Variants in ATG4C observed in about 807,000 individuals in gnomAD.
ATG4C encodes autophagy related 4C cysteine peptidase.
A neutral mutation model predicts 57.6 loss-of-function variants in ATG4C; 56 were observed. The observed-to-expected ratio is 0.97, with a 90% CI of 0.78 to 1.21. The LOEUF is 1.21. Ranked by LOEUF, ATG4C falls within the 50% of genes most tolerant of loss-of-function variation. The pLI is 0.00. For missense variants in ATG4C, 595 were observed against 529.8 expected (o/e 1.12, Z -1.21); for synonymous variants, 157 against 174.1 (o/e 0.90, Z 0.78).
chr1:62,820,252 A>G (rs183144818), intron 5 of ATG4C, among the ~76,000 whole-genome samples: 17 of 152,196 alleles, frequency 1.1e-4, no homozygotes, highest in African/African-American at 3.4e-4. Context: ...GGGGACAGCA[A>G]ACTTCTTCTG....
chr1:62,792,827 T>C (rs1242346181), intron 1 of ATG4C, among the ~76,000 whole-genome samples: 1 of 151,770 alleles, frequency 6.6e-6, no homozygotes, highest in Non-Finnish European at 1.5e-5. Context: ...TGAACCCAAG[T>C]AGTAGCTGGT....
chr1:62,803,773 T>C lies in ATG4C; in HGVS notation c.-14T>C. Reference sequence around the variant, plus strand: ...AATGCAATCAAGTGATGGCTTTTCCTTTAGAATTTGAATATGGAGGCTACA... The same window carrying C: ...AATGCAATCAAGTGATGGCTTTTCCCTTAGAATTTGAATATGGAGGCTACA... On this transcript the variant is annotated 5_prime_UTR_variant, in exon 2 of 11. Coordinates refer to ENST00000317868, the MANE Select transcript of ATG4C (RefSeq NM_032852.4). The C allele has an allele frequency of 6.3e-7, 1 of 1,580,490 alleles. No homozygotes were observed. Among genetic ancestry groups the C allele is most frequent in the Non-Finnish European group, 8.6e-7 (1 of 1,161,316 alleles).
At chr1:62,817,062 C>G (rs1013335980) in intron 4 of ATG4C, among the ~76,000 whole-genome samples, 2 of 152,058 alleles carry the variant, frequency 1.3e-5, no homozygotes, top group African/African-American at 4.8e-5. Context: ...TCTTGGTCAC[C>G]ATTATGAGTT....
chr1:62,841,405 C>T (rs1047278677), intron 9 of ATG4C, 23 bp from the exon 10 acceptor site: 1 of 1,582,816 alleles, frequency 6.3e-7, no homozygotes, highest in Non-Finnish European at 8.6e-7. Context: ...TAAATTAATC[C>T]TAAAGAACTT....
intron 4 of ATG4C, 37 bp downstream of exon 4, chr1:62,816,845 GT>G: frequency 7.0e-7 from 1 of 1,424,354 alleles, no homozygotes; most frequent in Non-Finnish European, 9.4e-7. Context: ...GTTTTGTTTT[GT>G]TTTTTTGTCG....
intron 1 of ATG4C, among the ~76,000 whole-genome samples, chr1:62,802,896 A>G (rs983982120): frequency 6.6e-6 from 1 of 152,226 alleles, no homozygotes. Context: ...TGGAATGTCT[A>G]TTGTTAGAGA....
rs1207117949 is a variant in ATG4C at position 62,865,062 on chromosome 1, T to G, written c.*903T>G. On this transcript the variant is annotated 3_prime_UTR_variant, in exon 11 of 11. Transcript: ENST00000317868. ...AGGCAAATCTGCCTTAAGTGTATTA[T>G]GTGTTACTTAAAGGCAAATTTGTGA... 1 of 151,952 alleles carries G rather than the reference T, an allele frequency of 6.6e-6. No homozygotes were observed. Among genetic ancestry groups the G allele is most frequent in the Non-Finnish European group, 1.5e-5 (1 of 67,832 alleles). 9.4% of individuals were successfully genotyped at this position (151,952 alleles called of 1,614,324 possible). A position where few individuals can be genotyped will look rare whatever the true frequency, so the allele number is the denominator to read the frequency against.
At chr1:62,838,507 A>G (rs533245074) in intron 9 of ATG4C, among the ~76,000 whole-genome samples, 1 of 152,248 alleles carries the variant, frequency 6.6e-6, no homozygotes, top group Admixed American at 6.5e-5. Context: ...GCCAGGCATG[A>G]TGGCTCCCGC....
intron 1 of ATG4C, among the ~76,000 whole-genome samples, chr1:62,801,244 G>A (rs1417966937): frequency 2.6e-5 from 4 of 152,168 alleles, no homozygotes; most frequent in Non-Finnish European, 5.9e-5. Flanking sequence ...GAGTCCTTGA[G>A]GAATGTGTTT....
At chr1:62,840,882 CAA>C (rs1666146242) in intron 9 of ATG4C, among the ~76,000 whole-genome samples, 1 of 152,142 alleles carries the variant, frequency 6.6e-6, no homozygotes, top group Non-Finnish European at 1.5e-5. Context: ...AAAGCACACT[CAA>C]AGAGAAAGTT....
chr1:62,789,629 C>T (rs1036139199), intron 1 of ATG4C, among the ~76,000 whole-genome samples: 1 of 151,010 alleles, frequency 6.6e-6, no homozygotes, highest in African/African-American at 2.4e-5. Context: ...CTGGCTAACA[C>T]GGTGAAACCC....
In ATG4C at chr1:62,841,427, G is replaced by C. The variant is rs1285634983; in HGVS notation, c.1090-1G>C. 5 of 1,600,638 alleles carry C rather than the reference G, an allele frequency of 3.1e-6. No individual in the cohort carries two copies. The highest frequency in any genetic ancestry group is 3.3e-4 in the Middle Eastern group (2 of 6,012). On this transcript the variant is annotated splice_acceptor_variant, in intron 9 of 10. Coordinates refer to ENST00000317868, the MANE Select transcript of ATG4C (RefSeq NM_032852.4). LOFTEE classifies it high-confidence loss of function. ...ATCCTAAAGAACTTTAAAAATTACA[G>C]ACATTCCACTGCCCTTCTCCCAAAA... is the stretch of plus-strand genomic sequence containing the variant.
chr1:62,850,854 G>GTGTATGTATATATATATA (rs1402010901), intron 10 of ATG4C, among the ~76,000 whole-genome samples: 2 of 84,120 alleles, frequency 2.4e-5, no homozygotes, highest in Non-Finnish European at 5.3e-5. Flanking sequence ...GTGTATGTAT[G>GTGTATGTATATATATATA]TATATATATA....
At chr1:62,853,962 G>T (rs1471606383) in intron 10 of ATG4C, among the ~76,000 whole-genome samples, 1 of 151,500 alleles carries the variant, frequency 6.6e-6, no homozygotes, top group Non-Finnish European at 1.5e-5. Flanking sequence ...TTTTCCTTTT[G>T]TTTCTCATGG....
chr1:62,807,579 C>G (rs1218326852), intron 3 of ATG4C, among the ~76,000 whole-genome samples: 1 of 152,110 alleles, frequency 6.6e-6, no homozygotes, highest in African/African-American at 2.4e-5. Flanking sequence ...CCCTGAAATA[C>G]GGGATATGTA....
chr1:62,836,715 T>G lies in ATG4C; in HGVS notation c.1089+1863T>G, dbSNP rs151033707. On this transcript the variant is annotated intron_variant, in intron 9 of 10. Transcript: ENST00000317868. ...TTATATGCATATTCTAAAACCACCC[T>G]TATACTTCAATTATTAAAATCATTT... Among the ~76,000 whole-genome samples the G allele has an allele frequency of 6.9e-3, 1,048 of 152,202 alleles. 3 individuals carry two copies. Among genetic ancestry groups the G allele is most frequent in the Non-Finnish European group, 0.011 (773 of 67,932 alleles).
intron 1 of ATG4C, among the ~76,000 whole-genome samples, chr1:62,790,149 G>A (rs1360458293): frequency 6.6e-6 from 1 of 151,996 alleles, no homozygotes; most frequent in African/African-American, 2.4e-5. Flanking sequence ...CCGGACCTCC[G>A]GTAATCCACC....
chr1:62,810,269 C>G (rs1665035046), intron 3 of ATG4C, among the ~76,000 whole-genome samples: 1 of 152,160 alleles, frequency 6.6e-6, no homozygotes, highest in African/African-American at 2.4e-5. Flanking sequence ...ACAGTCTTTA[C>G]TCTCAAGAAA....
intron 1 of ATG4C, among the ~76,000 whole-genome samples, chr1:62,789,877 G>T (rs1258864679): frequency 2.0e-5 from 3 of 151,970 alleles, no homozygotes; most frequent in Admixed American, 6.6e-5. Flanking sequence ...TGCTACTGGG[G>T]TGTCATTGGT....
Sources: gnomAD v4.1 joint callset for allele counts (sites outside exome capture counted in the v4.1 genomes callset) on GRCh38, gnomAD v4.1.1 for gene constraint, MANE v1.5 for transcripts, NCBI Gene and HGNC (gene_info 2026-07-23, HGNC 2026-07-21) for gene names.